AZIN2: variants seen among roughly 807,000 people sequenced by gnomAD.
The protein encoded by AZIN2 is antizyme inhibitor 2, also known as ODC antizyme inhibitor-2.
A neutral mutation model predicts 47.8 loss-of-function variants in AZIN2; 28 were observed. The observed-to-expected ratio is 0.59, with a 90% confidence interval of 0.43 to 0.80. The LOEUF (loss-of-function observed/expected upper bound fraction) is 0.80. Ranked by LOEUF, AZIN2 falls within the 30% of genes least tolerant of loss-of-function variation. The probability of loss-of-function intolerance (pLI) is 0.00; values close to 1 mark genes in which losing one functional copy is unlikely to be tolerated. For synonymous variants in AZIN2, 221 were observed against 239.4 expected (o/e 0.92, Z 0.71); for missense variants, 535 against 582.5 (o/e 0.92, Z 0.84).
In AZIN2 at chr1:33,082,272, C is replaced by T. The variant is rs752741063; in HGVS notation, c.23C>T (p.Ser8Leu). Residue 8 changes from serine to leucine, a missense_variant, in exon 4 of 12, where the codon TCG becomes TTG. Physicochemically the swap from Ser to Leu is moderately radical, Grantham distance 145. This residue lies in a region of AZIN2 where 409 missense variants were observed against 429.0 expected (regional missense o/e 0.95). Transcript: ENST00000294517. ...GGCATGGCTGGCTACCTGAGTGAAT[C>T]GGACTTTGTGATGGTGGAGGAGGGC... Reference protein sequence around the residue: MAGYLSESDFVMVEEGFS... With the variant: MAGYLSELDFVMVEEGFS... 1.5e-5 allele frequency: 24 copies of T among 1,613,886 alleles called. No individual in the cohort carries two copies. The highest frequency in any genetic ancestry group is 2.7e-5 in the African/African-American group (2 of 74,916).
rs772490870 is a variant in AZIN2, at chr1:33,082,323, A to T, written c.74A>T (p.Glu25Val). Residue 25 changes from glutamate (E) to valine (V), a missense_variant, in exon 4 of 12, where the codon GAA (glutamate) becomes GTA (valine). Glu to Val is a moderately radical substitution (Grantham distance 121). Transcript: ENST00000294517. ...TTCAGTACCCGAGACCTGCTGAAGG[A>T]ACTCACTCTGGGGGCCTCACAGGCC... ...EGFSTRDLLK[E>V]LTLGASQATT... 22 of 1,613,862 alleles carry T rather than the reference A, an allele frequency of 1.4e-5. No homozygotes were observed. In the Admixed American group the frequency reaches 2.0e-4, roughly 15 times the overall value.
the AZIN2 span, chr1:33,164,292 G>C: frequency 6.6e-6 from 1 of 152,278 alleles, no homozygotes; most frequent in African/African-American, 2.4e-5. Flanking sequence ...GGTGTCTTCA[G>C]GCCCCAGGAT....
the AZIN2 span, chr1:33,145,852 C>T: frequency 4.2e-6 from 2 of 471,160 alleles, no homozygotes; most frequent in South Asian, 3.1e-5. Flanking sequence ...CCCACCCTAA[C>T]TTCCTTCTAG....
chr1:33,128,545 T>C, the AZIN2 span, among the ~76,000 whole-genome samples: 2 of 152,170 alleles, frequency 1.3e-5, no homozygotes, highest in African/African-American at 2.4e-5. Flanking sequence ...ATTGGGAAAG[T>C]CTCTGCCTAA....
At chr1:33,131,175 C>T in the AZIN2 span, among the ~76,000 whole-genome samples, 1 of 152,196 alleles carries the variant, frequency 6.6e-6, no homozygotes, top group African/African-American at 2.4e-5. Flanking sequence ...GGAGGGAATT[C>T]TCTTTCCTGA....
Position 33,120,906 on chromosome 1 carries a change from G to A in AZIN2, c.*724G>A, listed in dbSNP as rs1314710344. 2.6e-5 allele frequency among the ~76,000 whole-genome samples: 4 copies of A among 152,242 alleles called. No homozygotes were observed. The highest frequency in any genetic ancestry group is 5.9e-5 in the Non-Finnish European group (4 of 68,044). On this transcript the variant is annotated 3_prime_UTR_variant, in exon 12 of 12. Transcript: ENST00000294517. ...GAGCCAAGAAATGGGTGTGTGGGAG[G>A]TTTTGAGTGGACCCTGCACCCTTGC...
chr1:33,091,328 C>T (rs1479446105), intron 5 of AZIN2, among the ~76,000 whole-genome samples: 2 of 152,164 alleles, frequency 1.3e-5, no homozygotes, highest in African/African-American at 4.8e-5. Flanking sequence ...CAGCCTCCGC[C>T]TCCTGGGTTC....
rs1484893317 is a variant in AZIN2, at chr1:33,081,729, G to A, written c.-156G>A. 2 of 190,386 alleles carry A rather than the reference G, an allele frequency of 1.1e-5. No individual in the cohort carries two copies. Among genetic ancestry groups the A allele is most frequent in the Admixed American group, 1.1e-4 (2 of 18,796 alleles). 11.8% of individuals were successfully genotyped at this position (190,386 alleles called of 1,614,324 possible). ...TCCGAAAGGGTCAGAGGGTACCCGA[G>A]GTCAAGCAGTAGAGAGCGGACTCGA... On this transcript the variant is annotated 5_prime_UTR_variant, in exon 3 of 12. Transcript: ENST00000294517. The surrounding 1 kb of genome is among the most constrained non-coding windows in gnomAD (Gnocchi z 4.2).
At chr1:33,083,913 G>A (rs759567428) in intron 4 of AZIN2, 41 bp from the exon 5 acceptor site, 33 of 1,610,856 alleles carry the variant, frequency 2.0e-5, no homozygotes, top group East Asian at 4.5e-5. Context: ...CAGGGTGCGA[G>A]CTGGATGGGG....
chr1:33,133,293 G>A, the AZIN2 span, among the ~76,000 whole-genome samples: 11 of 152,360 alleles, frequency 7.2e-5, no homozygotes, highest in South Asian at 8.3e-4. Flanking sequence ...TGTCCCTGTC[G>A]CCTCAAGAGA....
chr1:33,104,397 G>T (rs1295382358), intron 10 of AZIN2, among the ~76,000 whole-genome samples: 3 of 151,962 alleles, frequency 2.0e-5, no homozygotes, highest in Admixed American at 6.6e-5. Context: ...CACTCTATTG[G>T]TTTATTGTTT....
chr1:33,135,823 G>A, the AZIN2 span, among the ~76,000 whole-genome samples: 10 of 152,170 alleles, frequency 6.6e-5, no homozygotes, highest in African/African-American at 2.4e-4. Context: ...CCTGGGATGC[G>A]GCTGTTGTTG....
At chr1:33,143,087 TCTTCA>T in the AZIN2 span, 19 of 152,248 alleles carry the variant, frequency 1.2e-4, no homozygotes, top group African/African-American at 4.6e-4. Flanking sequence ...TTGTCCCCTC[TCTTCA>T]CTTAATGTGT....
At chr1:33,101,171 T>C (rs12047012) in intron 10 of AZIN2, among the ~76,000 whole-genome samples, 30,871 of 152,060 alleles carry the variant, frequency 0.2, 3,843 homozygotes, top group South Asian at 0.31. Flanking sequence ...ACCATGTCTC[T>C]CTCTTAACCC....
At chr1:33,137,043 G>A in the AZIN2 span, among the ~76,000 whole-genome samples, 3 of 151,938 alleles carry the variant, frequency 2.0e-5, no homozygotes, top group East Asian at 1.9e-4. Flanking sequence ...TGTTGGGAGT[G>A]GGGGAGTGAC....
In AZIN2 at chr1:33,094,626, G is replaced by A. The variant is rs776212677; in HGVS notation, c.666G>A (p.Met222Ile). The change falls in exon 8 of 12, where the codon ATG becomes ATA. Residue 222 changes from methionine (M) to isoleucine (I), a missense_variant. This residue lies in a region of AZIN2 where 409 missense variants were observed against 429.0 expected (regional missense o/e 0.95). Coordinates refer to ENST00000294517, the MANE Select transcript of AZIN2 (RefSeq NM_052998.4). ...SIADARLVFE[M>I]GTELGHKMHV... ...CAGACGCCCGGCTCGTGTTTGAAAT[G>A]GGCACCGAGCTGGGTCACAAGATGC... 1.2e-6 allele frequency: 2 copies of A among 1,614,192 alleles called. No individual in the cohort carries two copies. Among genetic ancestry groups the A allele is most frequent in the Non-Finnish European group, 1.7e-6 (2 of 1,180,030 alleles).
the AZIN2 span, among the ~76,000 whole-genome samples, chr1:33,138,470 A>G: frequency 2.6e-5 from 4 of 152,086 alleles, no homozygotes; most frequent in Admixed American, 2.6e-4. Flanking sequence ...AGATGAGCCT[A>G]GGCAACATAG....
chr1:33,087,750 T>TAAA (rs60584060), intron 5 of AZIN2, among the ~76,000 whole-genome samples: 22 of 146,132 alleles, frequency 1.5e-4, no homozygotes, highest in South Asian at 4.3e-4. Flanking sequence ...ATGCATTCTT[T>TAAA]AAAAAAAAAA....
the AZIN2 span, among the ~76,000 whole-genome samples, chr1:33,155,587 C>T: frequency 6.6e-6 from 1 of 152,068 alleles, no homozygotes; most frequent in Non-Finnish European, 1.5e-5. Context: ...CTCTGGGGCC[C>T]GACGTTGGGG....
Sources: gnomAD v4.1 joint callset for allele counts (sites outside exome capture counted in the v4.1 genomes callset) on GRCh38, gnomAD v4.1.1 for gene constraint, gnomAD v4.1.1 regional missense constraint, Gnocchi (gnomAD v3.1) non-coding constraint, MANE v1.5 for transcripts, NCBI Gene and HGNC (gene_info 2026-07-23, HGNC 2026-07-21) for gene names.